The following KMT2C variants were observed in gnomAD, a reference collection of about 807,000 sequenced individuals.
KMT2C encodes the protein lysine methyltransferase 2C, also known as histone-lysine N-methyltransferase 2C.
KMT2C carries 88 observed loss-of-function variants against 507.9 expected under a neutral mutation model. That is an observed-to-expected ratio of 0.17 (90% CI 0.15 to 0.21). KMT2C has a LOEUF of 0.21. Ranked by LOEUF, KMT2C falls within the 10% of genes least tolerant of loss-of-function variation. KMT2C has a pLI of 1.00. For synonymous variants in KMT2C, 2,049 were observed against 2,080.8 expected, an observed-to-expected ratio of 0.98 and a Z score of 0.42; for missense variants, 4,954 against 5,957.8, an observed-to-expected ratio of 0.83 and a Z score of 5.55.
chr7:152,324,164 T>G (rs2096801785), intron 3 of KMT2C, among the ~76,000 whole-genome samples: 3 of 151,504 alleles, frequency 2.0e-5, no homozygotes. Context: ...GTGCAAAGGA[T>G]ACGAAGGTTG....
chr7:152,182,068 G>A lies in KMT2C; in HGVS notation c.5792C>T (p.Ser1931Leu), dbSNP rs200297010. The A allele has an allele frequency of 7.7e-5, 125 of 1,614,158 alleles. No individual in the cohort carries two copies. The highest frequency in any genetic ancestry group is 4.9e-4 in the Middle Eastern group (3 of 6,062). ...ATTCATTTGAAGGGGCCTAGATACCGATGATAAAGGTGTACAGTTTTCCAC... is the reference window on the plus strand; with the variant it reads ...ATTCATTTGAAGGGGCCTAGATACCAATGATAAAGGTGTACAGTTTTCCAC... The part of the protein sequence containing the change: ...APVENCTPLS[S>L]VSRPLQMNET... The change falls in exon 36 of 59, where the codon TCG becomes TTG. Residue 1931 changes from serine (S) to leucine (L), a missense_variant. By Grantham distance (145) the Ser-to-Leu change is moderately radical. Transcript: ENST00000262189.
Position 152,158,866 on chromosome 7 carries a change from T to C in KMT2C, c.11667A>G (p.Lys3889=), listed in dbSNP as rs1247824252. The C allele has an allele frequency of 1.2e-6, 2 of 1,613,994 alleles. No homozygotes were observed. The highest frequency in any genetic ancestry group is 3.3e-5 in the Admixed American group (2 of 60,022). ...GCTCTAAATGACTCACCCTCACCTGTTTCAAGTGGGTAAACGTGTCAGTGC... is the reference window on the plus strand; with the variant it reads ...GCTCTAAATGACTCACCCTCACCTGCTTCAAGTGGGTAAACGTGTCAGTGC... ...YSSTDTFTHL[K]QQNNLSNPPT... is the part of the protein sequence containing the mutation. The change falls in exon 44 of 59, where the codon AAA becomes AAG. Residue 3889 remains lysine (K), a synonymous_variant. Transcript: ENST00000262189.
At chr7:152,297,057 G>GACAGAAAGAAAGAAAGAAAGAAAGAA (rs756980169) in intron 6 of KMT2C, among the ~76,000 whole-genome samples, 2 of 90,752 alleles carry the variant, frequency 2.2e-5, no homozygotes, top group African/African-American at 9.5e-5. Flanking sequence ...AAGAAAGACA[G>GACAGAAAGAAAGAAAGAAAGAAAGAA]AGAGAGAGAG....
Position 152,417,951 on chromosome 7 carries a change from T to C in KMT2C, c.161+17675A>G, listed in dbSNP as rs1286732306. On this transcript the variant is annotated intron_variant, in intron 1 of 58. Transcript: ENST00000262189. ...GCCACCGCGCCCACCCTCTTTCTTT[T>C]AAAAAAAAAAAAAAAAAAAAAGATG... Among the ~76,000 whole-genome samples the C allele has an allele frequency of 7.2e-5, 8 of 110,958 alleles. No individual in the cohort carries two copies. The South Asian group carries it at 2.6e-3, about 36-fold the overall frequency. 72.8% of individuals were successfully genotyped at this position (110,958 alleles called of 152,430 possible).
At chr7:152,313,591 CAA>C (rs1471621231) in intron 4 of KMT2C, among the ~76,000 whole-genome samples, 1 of 151,906 alleles carries the variant, frequency 6.6e-6, no homozygotes, top group South Asian at 2.1e-4. Context: ...TGAAAATGAG[CAA>C]AGACATTTTC....
chr7:152,182,647 A>AACCTTTTTC, intron 35 of KMT2C, 53 bp from the exon 36 acceptor site: 1 of 1,446,940 alleles, frequency 6.9e-7, no homozygotes, highest in East Asian at 2.3e-5. Context: ...GAAGAAAACT[A>AACCTTTTTC]CCATCATGGG....
chr7:152,413,393 G>A (rs1473442401), intron 1 of KMT2C, among the ~76,000 whole-genome samples: 4 of 152,134 alleles, frequency 2.6e-5, no homozygotes, highest in Non-Finnish European at 5.9e-5. Context: ...GATTACAGGT[G>A]TAAGCCACTG....
chr7:152,305,474 C>T (rs1485503207), intron 6 of KMT2C, among the ~76,000 whole-genome samples: 2 of 151,792 alleles, frequency 1.3e-5, no homozygotes, highest in East Asian at 1.9e-4. Context: ...AATGAACAAA[C>T]GGTTATAGTG....
In KMT2C at chr7:152,310,032, T is replaced by A; in HGVS notation, c.783A>T (p.Gly261=). 1.1e-5 allele frequency: 17 copies of A among 1,613,922 alleles called. No homozygotes were observed. Among genetic ancestry groups the A allele is most frequent in the Non-Finnish European group, 1.4e-5 (17 of 1,179,880 alleles). ...ACAATGGTTCTTCCATCTGGCATAC[T>A]CCTAGTGACCACTCCACACAACGGT... ...AHHRCVEWSL[G]VCQMEEPLLV... is the part of the protein sequence containing the mutation. Residue 261 remains glycine, a synonymous_variant, in exon 6 of 59, where the codon GGA becomes GGT. Transcript: ENST00000262189.
rs1201126782 is a variant in KMT2C at position 152,181,469 on chromosome 7, A to T, written c.6391T>A (p.Tyr2131Asn). The T allele has an allele frequency of 6.2e-7, 1 of 1,614,058 alleles. No homozygotes were observed. Among genetic ancestry groups the T allele is most frequent in the Non-Finnish European group, 8.5e-7 (1 of 1,180,002 alleles). The stretch of plus-strand genomic sequence containing the variant: ...CGTGGAGTTCCTGGGGGTTGGGAGT[A>T]TGGGTCCTGAGATGTTGGCCTTGAT... ...TISRPTSQDP[Y>N]SQPPGTPRPV... The change falls in exon 36 of 59, where the codon TAC (tyrosine) becomes AAC (asparagine). Residue 2131 changes from tyrosine (Y) to asparagine (N), a missense_variant. Physicochemically the swap from Tyr to Asn is moderately radical, Grantham distance 143 (BLOSUM62 -2). Around this residue, in one of 29 missense-constraint regions of KMT2C, gnomAD observed 1,689 missense variants for 1,654.3 expected, o/e 1.02. Coordinates refer to ENST00000262189, the MANE Select transcript of KMT2C (RefSeq NM_170606.3).
At chr7:152,166,442 T>A (rs1279102241) in intron 42 of KMT2C, among the ~76,000 whole-genome samples, 2 of 152,156 alleles carry the variant, frequency 1.3e-5, no homozygotes, top group African/African-American at 4.8e-5. Context: ...GTTTTTAATT[T>A]ACTTGGGTAA....
intron 9 of KMT2C, among the ~76,000 whole-genome samples, chr7:152,260,199 C>T (rs2095745325): frequency 1.3e-5 from 2 of 152,278 alleles, no homozygotes; most frequent in South Asian, 4.2e-4. Context: ...ACACTATAGT[C>T]CCTTCATAGA....
At chr7:152,350,231 G>T (rs556559185) in intron 2 of KMT2C, among the ~76,000 whole-genome samples, 2 of 152,108 alleles carry the variant, frequency 1.3e-5, no homozygotes, top group African/African-American at 4.8e-5. Flanking sequence ...GCTTGGGCAA[G>T]AAGAGTGAAA....
intron 6 of KMT2C, among the ~76,000 whole-genome samples, chr7:152,309,736 G>A (rs931460796): frequency 1.3e-5 from 2 of 151,810 alleles, no homozygotes; most frequent in Non-Finnish European, 2.9e-5. Context: ...GGCCAGGCTA[G>A]TCTCAAACTC....
intron 14 of KMT2C, among the ~76,000 whole-genome samples, chr7:152,245,475 T>A (rs572753606): frequency 1.3e-5 from 2 of 152,292 alleles, no homozygotes; most frequent in East Asian, 3.9e-4. Context: ...TAGATTAAAA[T>A]TTATTTCACC....
At chr7:152,266,219 A>G (rs1300305959) in intron 7 of KMT2C, among the ~76,000 whole-genome samples, 2 of 151,994 alleles carry the variant, frequency 1.3e-5, no homozygotes, top group African/African-American at 4.8e-5. Flanking sequence ...TGTATTTAAC[A>G]AGTATCACAA....
intron 14 of KMT2C, among the ~76,000 whole-genome samples, chr7:152,244,081 G>C (rs1215909784): frequency 6.6e-6 from 1 of 152,110 alleles, no homozygotes; most frequent in Non-Finnish European, 1.5e-5. Context: ...AAAAACAAAT[G>C]TTATGATTTA....
chr7:152,353,633 G>T (rs1235630529), intron 2 of KMT2C, among the ~76,000 whole-genome samples: 4 of 152,008 alleles, frequency 2.6e-5, no homozygotes, highest in Non-Finnish European at 5.9e-5. Flanking sequence ...GAGTAGCTAG[G>T]ACTACAGGTG....
At chr7:152,374,845 T>C (rs960658439) in intron 1 of KMT2C, among the ~76,000 whole-genome samples, 2 of 149,620 alleles carry the variant, frequency 1.3e-5, no homozygotes, top group Non-Finnish European at 3.0e-5. Flanking sequence ...ATCGCAGCAT[T>C]GTACTCTAGC....
Sources: allele counts gnomAD v4.1 joint callset (sites outside exome capture counted in the v4.1 genomes callset), GRCh38; gene constraint gnomAD v4.1.1; regional missense constraint gnomAD v4.1.1; transcripts MANE v1.5; gene names NCBI Gene and HGNC (gene_info 2026-07-23, HGNC 2026-07-21).